Variants in MSRA observed in about 807,000 individuals in gnomAD.
MSRA encodes the protein mitochondrial peptide methionine sulfoxide reductase.
MSRA carries 54 observed loss-of-function variants against 31.3 expected under a neutral mutation model. The observed-to-expected ratio is 1.73, with a 90% CI of 1.39 to 2.17. MSRA has a LOEUF of 2.17. Among genes scored for constraint, MSRA ranks in the 30% most tolerant of loss-of-function variants. The pLI, the probability that MSRA is intolerant of heterozygous loss-of-function variation, is 0.00. For missense variants in MSRA, 507 were observed against 300.9 expected (o/e 1.69, Z -5.07); for synonymous variants, 169 against 116.5 (o/e 1.45, Z -2.90).
chr8:10,179,662 G>A (rs1806367439), intron 1 of MSRA, among the ~76,000 whole-genome samples: 1 of 152,206 alleles, frequency 6.6e-6, no homozygotes, highest in Non-Finnish European at 1.5e-5. Flanking sequence ...TTGGGAGCAT[G>A]GGCTGTGGAG....
intron 1 of MSRA, among the ~76,000 whole-genome samples, chr8:10,093,322 A>G (rs1380690880): frequency 6.6e-6 from 1 of 151,948 alleles, no homozygotes; most frequent in Admixed American, 6.6e-5. Flanking sequence ...TTTCCTTGCC[A>G]TTTATTTTCC....
chr8:10,126,205 T>A (rs1256657078), intron 1 of MSRA, among the ~76,000 whole-genome samples: 1 of 152,248 alleles, frequency 6.6e-6, no homozygotes, highest in African/African-American at 2.4e-5. Context: ...GTCACAGTTG[T>A]TGAAGCCAGA....
chr8:10,117,074 A>G (rs60384372), intron 1 of MSRA, among the ~76,000 whole-genome samples: 62,655 of 152,030 alleles, frequency 0.41, 13,753 homozygotes, highest in Middle Eastern at 0.56. Flanking sequence ...TGCCCAGAGC[A>G]ACTATGCAGG....
intron 3 of MSRA, among the ~76,000 whole-genome samples, chr8:10,289,957 G>A (rs542109839): frequency 1.3e-5 from 2 of 152,216 alleles, no homozygotes; most frequent in Non-Finnish European, 1.5e-5. Context: ...AGTTCCCAAA[G>A]TGCTTTGTGC....
At chr8:10,241,704 A>G (rs1353046493) in intron 2 of MSRA, among the ~76,000 whole-genome samples, 2 of 152,158 alleles carry the variant, frequency 1.3e-5, no homozygotes, top group Non-Finnish European at 2.9e-5. Flanking sequence ...GACATGAAAG[A>G]GACAACTAGA....
At chr8:10,227,440 T>C (rs1285851486) in intron 2 of MSRA, among the ~76,000 whole-genome samples, 1 of 152,174 alleles carries the variant, frequency 6.6e-6, no homozygotes, top group Non-Finnish European at 1.5e-5. Flanking sequence ...ACTTGTTTGC[T>C]GTAATATGAA....
intron 1 of MSRA, among the ~76,000 whole-genome samples, chr8:10,093,608 A>G (rs2128928596): frequency 6.6e-6 from 1 of 152,318 alleles, no homozygotes; most frequent in South Asian, 2.1e-4. Flanking sequence ...TAAATATTTT[A>G]GAAATGCTTA....
At chr8:10,231,452 C>T (rs1811465670) in intron 2 of MSRA, among the ~76,000 whole-genome samples, 1 of 152,158 alleles carries the variant, frequency 6.6e-6, no homozygotes, top group South Asian at 2.1e-4. Context: ...TTTCACGTGT[C>T]AGGGAGCCCC....
intron 3 of MSRA, among the ~76,000 whole-genome samples, chr8:10,296,808 C>T (rs55968335): frequency 0.15 from 22,278 of 152,096 alleles, 1,794 homozygotes; most frequent in African/African-American, 0.18. Context: ...TCCCAGACCC[C>T]GCCAAGGTCA....
At chr8:10,194,398 T>A (rs2129054686) in intron 1 of MSRA, among the ~76,000 whole-genome samples, 1 of 152,266 alleles carries the variant, frequency 6.6e-6, no homozygotes, top group South Asian at 2.1e-4. Flanking sequence ...GAAACCTGTC[T>A]CTACTAAAAG....
chr8:10,070,628 C>A (rs529921954), intron 1 of MSRA, among the ~76,000 whole-genome samples: 1 of 152,212 alleles, frequency 6.6e-6, no homozygotes, highest in East Asian at 1.9e-4. Context: ...CCTTGTGCTG[C>A]ATTTTTATAG....
intron 5 of MSRA, among the ~76,000 whole-genome samples, chr8:10,398,030 T>C (rs995129116): frequency 6.6e-6 from 1 of 152,222 alleles, no homozygotes; most frequent in Non-Finnish European, 1.5e-5. Flanking sequence ...AGATTGGCTT[T>C]AATTAGAGCA....
chr8:10,216,146 T>C (rs1310673114), intron 2 of MSRA, among the ~76,000 whole-genome samples: 2 of 152,278 alleles, frequency 1.3e-5, no homozygotes, highest in African/African-American at 4.8e-5. Context: ...GTTCTCATTC[T>C]CCCCAGCCAT....
At chr8:10,321,921 G>C (rs374256729) in intron 5 of MSRA, among the ~76,000 whole-genome samples, 2 of 152,220 alleles carry the variant, frequency 1.3e-5, no homozygotes, top group Non-Finnish European at 2.9e-5. Flanking sequence ...GAAGCTGTGA[G>C]ATAATAAATG....
chr8:10,325,645 A>G (rs1474538280), intron 5 of MSRA, among the ~76,000 whole-genome samples: 3 of 152,236 alleles, frequency 2.0e-5, no homozygotes, highest in African/African-American at 4.8e-5. Context: ...GCAATTTGCA[A>G]TGCCTGTGAG....
At chr8:10,103,829 T>A (rs1799691695) in intron 1 of MSRA, among the ~76,000 whole-genome samples, 1 of 148,790 alleles carries the variant, frequency 6.7e-6, no homozygotes, top group African/African-American at 2.5e-5. Context: ...AAATGCCATA[T>A]TTATTTTCCT....
chr8:10,304,730 A>T (rs868862217), intron 4 of MSRA, among the ~76,000 whole-genome samples: 1 of 152,188 alleles, frequency 6.6e-6, no homozygotes, highest in African/African-American at 2.4e-5. Context: ...TTCACAGTAA[A>T]AGTTGGTCTT....
intron 5 of MSRA, among the ~76,000 whole-genome samples, chr8:10,382,298 T>A (rs1307164870): frequency 6.6e-6 from 1 of 152,190 alleles, no homozygotes; most frequent in African/African-American, 2.4e-5. Flanking sequence ...TGCCCTCAGA[T>A]ACCCTCCTGC....
intron 5 of MSRA, among the ~76,000 whole-genome samples, chr8:10,341,563 C>CT (rs1803428962): frequency 6.6e-6 from 1 of 152,204 alleles, no homozygotes; most frequent in Non-Finnish European, 1.5e-5. Context: ...TATCAACTCT[C>CT]TAAGTGATTT....
Sources: allele counts gnomAD v4.1 joint callset (sites outside exome capture counted in the v4.1 genomes callset), GRCh38; gene constraint gnomAD v4.1.1; transcripts MANE v1.5; gene names NCBI Gene and HGNC (gene_info 2026-07-23, HGNC 2026-07-21).